Variants in DPP10 observed in about 807,000 individuals in gnomAD.
DPP10 encodes inactive dipeptidyl peptidase 10.
DPP10 carries 33 observed loss-of-function variants against 120.9 expected under a neutral mutation model. The ratio of observed to expected loss-of-function variants is 0.27; its 90% CI spans 0.21 to 0.37. DPP10 has a LOEUF of 0.37. Among genes scored for constraint, DPP10 ranks in the 10% least tolerant of loss-of-function variants. The probability of loss-of-function intolerance (pLI) is 1.00; values close to 1 mark genes in which losing one functional copy is unlikely to be tolerated. For synonymous variants in DPP10, 337 were observed against 326.1 expected (o/e 1.03, Z -0.36); for missense variants, 816 against 942.8 (o/e 0.87, Z 1.76).
chr2:115,432,247 C>G (rs1350371991), intron 3 of DPP10, among the ~76,000 whole-genome samples: 1 of 152,112 alleles, frequency 6.6e-6, no homozygotes, highest in Non-Finnish European at 1.5e-5. Context: ...TCATGACAGA[C>G]CTCAACATGT....
At chr2:115,608,587 G>T (rs1359451823) in intron 5 of DPP10, among the ~76,000 whole-genome samples, 4 of 152,086 alleles carry the variant, frequency 2.6e-5, no homozygotes. Flanking sequence ...TGTTGTTCTG[G>T]TCACTCTACA....
At chr2:115,105,541 A>T (rs2048908016) in intron 1 of DPP10, among the ~76,000 whole-genome samples, 1 of 152,160 alleles carries the variant, frequency 6.6e-6, no homozygotes, top group Non-Finnish European at 1.5e-5. Flanking sequence ...TGGTGACAGC[A>T]CCAAGTCATT....
At chr2:114,624,122 A>G (rs1266259921) in intron 1 of DPP10, among the ~76,000 whole-genome samples, 2 of 152,002 alleles carry the variant, frequency 1.3e-5, no homozygotes, top group African/African-American at 4.8e-5. Context: ...CTGTGGAAGC[A>G]TTGAAGAGGT....
At chr2:114,850,298 A>G (rs1285216784) in intron 1 of DPP10, among the ~76,000 whole-genome samples, 1 of 152,116 alleles carries the variant, frequency 6.6e-6, no homozygotes, top group African/African-American at 2.4e-5. Flanking sequence ...AGTAGCTGAA[A>G]CTACAGGTGT....
At chr2:115,332,522 G>A in intron 2 of DPP10, among the ~76,000 whole-genome samples, 1 of 152,106 alleles carries the variant, frequency 6.6e-6, no homozygotes, top group Non-Finnish European at 1.5e-5. Flanking sequence ...TTGTTAGGGT[G>A]TCTATTTTAG....
intron 2 of DPP10, among the ~76,000 whole-genome samples, chr2:115,329,435 GCTTT>G (rs1255257226): frequency 1.3e-5 from 2 of 151,646 alleles, no homozygotes; most frequent in Non-Finnish European, 2.9e-5. Context: ...AGTAGTTCTT[GCTTT>G]CTTTATTTTT....
At position 115,432,066 on chromosome 2, in the gene DPP10, T is replaced by C. The variant is rs187981368; in HGVS notation, c.272-67444T>C. Among the ~76,000 whole-genome samples the C allele has an allele frequency of 2.6e-5, 4 of 152,246 alleles. No homozygotes were observed. In the East Asian group the frequency reaches 5.8e-4, roughly 22 times the overall value. ...CTCTATAAATTACCCATACTCCAGA[T>C]AGAAAAGCAAACCAAACAGAATTAA... On this transcript the variant is annotated intron_variant, in intron 3 of 25. Coordinates refer to ENST00000410059, the MANE Select transcript of DPP10 (RefSeq NM_020868.6).
At chr2:114,922,635 T>C (rs1270023446) in intron 1 of DPP10, among the ~76,000 whole-genome samples, 1 of 152,206 alleles carries the variant, frequency 6.6e-6, no homozygotes, top group East Asian at 1.9e-4. Flanking sequence ...TAAGTGGTAC[T>C]ACACAGTATC....
intron 9 of DPP10, 136 bp downstream of exon 9, chr2:115,740,029 T>G: frequency 1.1e-6 from 1 of 918,856 alleles, no homozygotes. Flanking sequence ...ACTCATCACT[T>G]TCGATCTCCC....
chr2:115,433,691 G>A (rs1302619851), intron 3 of DPP10, among the ~76,000 whole-genome samples: 2 of 151,876 alleles, frequency 1.3e-5, no homozygotes, highest in African/African-American at 4.8e-5. Flanking sequence ...ACCCTCAGGG[G>A]TGCACAAATT....
intron 5 of DPP10, among the ~76,000 whole-genome samples, chr2:115,652,972 C>T (rs916081412): frequency 1.3e-5 from 2 of 151,832 alleles, no homozygotes; most frequent in African/African-American, 2.4e-5. Flanking sequence ...AAAACATTGG[C>T]GAAATTGTTT....
At chr2:114,881,457 G>GTCTATCTATCTA (rs56811813) in intron 1 of DPP10, among the ~76,000 whole-genome samples, 48,778 of 144,032 alleles carry the variant, frequency 0.34, 8,831 homozygotes, top group Admixed American at 0.38. Context: ...CTGTCTGTCT[G>GTCTATCTATCTA]TCTATCTATC....
At chr2:115,065,567 A>G (rs978010714) in intron 1 of DPP10, 5 of 151,846 alleles carry the variant, frequency 3.3e-5, no homozygotes, top group African/African-American at 4.8e-5. Context: ...AAAATTTGCA[A>G]TTGGTTGATG....
At chr2:115,023,340 C>CA (rs57057364) in intron 1 of DPP10, among the ~76,000 whole-genome samples, 18,416 of 151,742 alleles carry the variant, frequency 0.12, 1,338 homozygotes, top group East Asian at 0.16. Context: ...AGGACATGAA[C>CA]AGACAATTCT....
At chr2:114,477,113 C>G (rs1680467225) in intron 1 of DPP10, among the ~76,000 whole-genome samples, 1 of 152,012 alleles carries the variant, frequency 6.6e-6, no homozygotes, top group South Asian at 2.1e-4. Flanking sequence ...GTGCGCACCA[C>G]CACACTGGCT....
chr2:115,696,146 A>C (rs6542289), intron 7 of DPP10, among the ~76,000 whole-genome samples: 1 of 152,044 alleles, frequency 6.6e-6, no homozygotes, highest in Non-Finnish European at 1.5e-5. Flanking sequence ...CATAAGGATT[A>C]TGGGAATGTT....
chr2:115,089,121 T>A (rs1005685320), intron 1 of DPP10, among the ~76,000 whole-genome samples: 7 of 152,136 alleles, frequency 4.6e-5, no homozygotes, highest in Non-Finnish European at 1.0e-4. Context: ...TGATTTCCTC[T>A]TTTCCTTTTT....
rs112933402 is a variant in DPP10, at chr2:115,753,564, G to A, written c.1074+267G>A. Among the ~76,000 whole-genome samples the A allele has an allele frequency of 5.3e-4, 81 of 152,128 alleles. 1 individual carries two copies. Among genetic ancestry groups the A allele is most frequent in the African/African-American group, 1.5e-3 (61 of 41,526 alleles). ...TTATACAGCATGAAGTATAATCCAAGCCACGTTAGCTTCTTTCTCAGATAT... is the reference window on the plus strand; with the variant it reads ...TTATACAGCATGAAGTATAATCCAAACCACGTTAGCTTCTTTCTCAGATAT... On this transcript the variant is annotated intron_variant, in intron 11 of 25. Transcript: ENST00000410059.
intron 1 of DPP10, among the ~76,000 whole-genome samples, chr2:114,661,131 T>C (rs946110732): frequency 2.0e-5 from 3 of 152,182 alleles, no homozygotes; most frequent in Non-Finnish European, 2.9e-5. Context: ...CATTCATCTT[T>C]CCTTTCAAAG....
Sources: gnomAD v4.1 joint callset for allele counts (sites outside exome capture counted in the v4.1 genomes callset) on GRCh38, gnomAD v4.1.1 for gene constraint, MANE v1.5 for transcripts, NCBI Gene and HGNC (gene_info 2026-07-23, HGNC 2026-07-21) for gene names.